Variants in PAWR observed in about 807,000 individuals in gnomAD.
PAWR encodes PRKC apoptosis WT1 regulator protein.
A neutral mutation model predicts 32.0 loss-of-function variants in PAWR; 23 were observed. The observed-to-expected ratio is 0.72, with a 90% CI of 0.52 to 1.02. PAWR has a LOEUF of 1.02. Among genes scored for constraint, PAWR ranks in the 50% least tolerant of loss-of-function variants. PAWR has a pLI of 0.00. For missense variants in PAWR, 457 were observed against 437.7 expected, an observed-to-expected ratio of 1.04 and a Z score of -0.39; for synonymous variants, 226 against 187.1, an observed-to-expected ratio of 1.21 and a Z score of -1.70.
chr12:79,589,188 G>A lies in PAWR; in HGVS notation c.*3419C>T, dbSNP rs1337549388. ...ATATGCACAAAAAAAAAACTCCAAA[G>A]AAAGATACCTATCACTGTACATATG... On this transcript the variant is annotated 3_prime_UTR_variant, in exon 7 of 7. Transcript: ENST00000328827. 1 of 151,432 alleles carries A rather than the reference G, an allele frequency of 6.6e-6. No individual in the cohort carries two copies. The highest frequency in any genetic ancestry group is 1.9e-4 in the East Asian group (1 of 5,156). 9.4% of individuals were successfully genotyped at this position (151,432 alleles called of 1,614,324 possible).
At chr12:79,675,672 G>A (rs899037713) in intron 2 of PAWR, among the ~76,000 whole-genome samples, 5 of 152,034 alleles carry the variant, frequency 3.3e-5, no homozygotes, top group African/African-American at 7.3e-5. Context: ...GTTATAAGAC[G>A]GAGCTAAATA....
At chr12:79,682,137 C>T (rs1317914144) in intron 2 of PAWR, among the ~76,000 whole-genome samples, 1 of 152,176 alleles carries the variant, frequency 6.6e-6, no homozygotes, top group Middle Eastern at 3.4e-3. Context: ...TTCTCTTAGT[C>T]CCCCTAGAGT....
At chr12:79,603,340 CAGCAA>C (rs1874034480) in intron 4 of PAWR, among the ~76,000 whole-genome samples, 1 of 151,856 alleles carries the variant, frequency 6.6e-6, no homozygotes, top group Admixed American at 6.6e-5. Flanking sequence ...TGGGAAATAC[CAGCAA>C]AGTGGTAAAA....
At chr12:79,632,330 TATATATATATATATATATATATATATATA>T (rs1875708165) in intron 2 of PAWR, among the ~76,000 whole-genome samples, 8 of 46,504 alleles carry the variant, frequency 1.7e-4, no homozygotes, top group Admixed American at 7.2e-4. Flanking sequence ...TATATATATA[TATATATATATATATATATATATATATATA>T]TATTTTTTTT....
At chr12:79,682,236 C>G (rs979208043) in intron 2 of PAWR, among the ~76,000 whole-genome samples, 1 of 151,996 alleles carries the variant, frequency 6.6e-6, no homozygotes, top group African/African-American at 2.4e-5. Context: ...ACTGCAGGCT[C>G]GACCTCCTGG....
At position 79,664,232 on chromosome 12, in the gene PAWR, C is replaced by CT. The variant is rs904380516; in HGVS notation, c.516+25496dup. Among the ~76,000 whole-genome samples, 10 of 152,084 alleles carry CT rather than the reference C, an allele frequency of 6.6e-5. 1 individual carries two copies. Among genetic ancestry groups the CT allele is most frequent in the African/African-American group, 2.2e-4 (9 of 41,486 alleles). ...GGTTGAGACTGCAACTAGACCCCAA[C>CT]TTTTTTTTAAGTGCATTTTCATTAC... On this transcript the variant is annotated intron_variant, in intron 2 of 6. Coordinates refer to ENST00000328827, the MANE Select transcript of PAWR (RefSeq NM_002583.4).
At chr12:79,681,539 G>A (rs1878447524) in intron 2 of PAWR, among the ~76,000 whole-genome samples, 1 of 152,138 alleles carries the variant, frequency 6.6e-6, no homozygotes, top group Non-Finnish European at 1.5e-5. Flanking sequence ...ATGATGAGTG[G>A]TTAAGTATAC....
intron 4 of PAWR, chr12:79,604,852 A>G (rs1874106861): frequency 3.4e-6 from 1 of 291,540 alleles, no homozygotes; most frequent in Non-Finnish European, 6.2e-6. Flanking sequence ...AGAAAATACA[A>G]ATGAGTGTCA....
intron 2 of PAWR, among the ~76,000 whole-genome samples, chr12:79,640,884 G>A (rs936529072): frequency 5.9e-5 from 9 of 152,232 alleles, no homozygotes; most frequent in Non-Finnish European, 1.3e-4. Context: ...GATGCGTAAG[G>A]ATCTTGGATG....
rs1223941803 is a variant in PAWR, at chr12:79,632,296, CATATATATATACATACAT to C, written c.517-11107_517-11090del. The C allele has an allele frequency of 8.7e-3, 318 of 36,758 alleles. 50 individuals are homozygous for C. Among genetic ancestry groups the C allele is most frequent in the Non-Finnish European group, 0.01 (267 of 25,956 alleles). 2.3% of individuals were successfully genotyped at this position (36,758 alleles called of 1,614,324 possible). A position where few individuals can be genotyped will look rare whatever the true frequency, so the allele number is the denominator to read the frequency against. Reference sequence around the variant, plus strand: ...TAGAGTCCAGAAATAGAAATATATACATATATATATACATACATATATATATATATATATATATATATA... The same window carrying C: ...TAGAGTCCAGAAATAGAAATATATACATATATATATATATATATATATATA... On this transcript the variant is annotated intron_variant, in intron 2 of 6. Transcript: ENST00000328827.
At chr12:79,674,349 A>G (rs1878054768) in intron 2 of PAWR, among the ~76,000 whole-genome samples, 3 of 152,076 alleles carry the variant, frequency 2.0e-5, no homozygotes, top group African/African-American at 7.2e-5. Flanking sequence ...GGCTAGCCAT[A>G]TGCAGAAGAC....
Position 79,585,103 on chromosome 12 carries a change from T to G in PAWR, c.*7504A>C, listed in dbSNP as rs1873351435. 2.3e-5 allele frequency: 10 copies of G among 443,886 alleles called. No homozygotes were observed. Among genetic ancestry groups the G allele is most frequent in the South Asian group, 1.5e-4 (9 of 61,488 alleles). 27.5% of individuals were successfully genotyped at this position (443,886 alleles called of 1,614,324 possible). A position where few individuals can be genotyped will look rare whatever the true frequency, so the allele number is the denominator to read the frequency against. ...AGGATGCCAATGTCCATGCTGAGGC[T>G]TCTCCTGATACAATCTTTTGCAACA... On this transcript the variant is annotated 3_prime_UTR_variant, in exon 7 of 7. Transcript: ENST00000328827.
chr12:79,651,422 C>T (rs1240971702), intron 2 of PAWR, among the ~76,000 whole-genome samples: 1 of 152,164 alleles, frequency 6.6e-6, no homozygotes, highest in African/African-American at 2.4e-5. Context: ...GAAGCTTTCC[C>T]TTACAAGCCT....
At chr12:79,642,812 T>C (rs896965555) in intron 2 of PAWR, among the ~76,000 whole-genome samples, 14 of 152,058 alleles carry the variant, frequency 9.2e-5, no homozygotes, top group Non-Finnish European at 1.6e-4. Context: ...GAACCAAAAA[T>C]AAAACACTTG....
At chr12:79,673,618 CTCCTCTTTCAAA>C (rs1182387202) in intron 2 of PAWR, among the ~76,000 whole-genome samples, 1 of 152,164 alleles carries the variant, frequency 6.6e-6, no homozygotes, top group Non-Finnish European at 1.5e-5. Flanking sequence ...TGAGCCTGAG[CTCCTCTTTCAAA>C]TTCAGTAACC....
At chr12:79,612,613 T>C (rs1874491899) in intron 4 of PAWR, among the ~76,000 whole-genome samples, 2 of 152,102 alleles carry the variant, frequency 1.3e-5, no homozygotes, top group African/African-American at 2.4e-5. Flanking sequence ...ACGTCTCTCA[T>C]CTATAAAAGA....
intron 3 of PAWR, among the ~76,000 whole-genome samples, chr12:79,617,187 A>G (rs527948905): frequency 6.6e-6 from 1 of 152,214 alleles, no homozygotes; most frequent in East Asian, 1.9e-4. Context: ...CCCTGTCTCT[A>G]CTAAAAATAC....
chr12:79,621,192 C>T lies in PAWR; in HGVS notation c.532G>A (p.Glu178Lys), dbSNP rs1485892110. 1.9e-6 allele frequency: 3 copies of T among 1,609,936 alleles called. No individual in the cohort carries two copies. Among genetic ancestry groups the T allele is most frequent in the Admixed American group, 3.3e-5 (2 of 59,892 alleles). Residue 178 changes from glutamate to lysine, a missense_variant, in exon 3 of 7, where the codon GAA becomes AAA. Physicochemically the swap from Glu to Lys is moderately conservative, Grantham distance 56. Transcript: ENST00000328827. ...TCTTTCTGCCCTGCTTCATCATCTT[C>T]GTACTCATCTAAGCACTGAAAGAAA... ...IPAAECLDEYEDDEAGQKERK... is the reference protein window; with the variant it reads ...IPAAECLDEYKDDEAGQKERK...
chr12:79,605,396 A>G (rs1048067200), intron 4 of PAWR, among the ~76,000 whole-genome samples: 8 of 152,320 alleles, frequency 5.3e-5, no homozygotes, highest in Middle Eastern at 3.4e-3. Flanking sequence ...CAGTAGAAAC[A>G]GCTAAAATTA....
Sources: allele counts gnomAD v4.1 joint callset (sites outside exome capture counted in the v4.1 genomes callset), GRCh38; gene constraint gnomAD v4.1.1; transcripts MANE v1.5; gene names NCBI Gene and HGNC (gene_info 2026-07-23, HGNC 2026-07-21).